The following KCNB2 variants were observed in gnomAD, a reference collection of about 807,000 sequenced individuals.
KCNB2 encodes delayed rectifier potassium channel protein.
KCNB2 carries 15 observed loss-of-function variants against 61.5 expected under a neutral mutation model. That is an observed-to-expected ratio of 0.24 (90% confidence interval 0.16 to 0.38). The LOEUF is 0.38. Among genes scored for constraint, KCNB2 ranks in the 10% least tolerant of loss-of-function variants. The pLI is 1.00. For synonymous variants in KCNB2, 457 were observed against 446.0 expected, an observed-to-expected ratio of 1.02 and a Z score of -0.31; for missense variants, 828 against 1,125.2, an observed-to-expected ratio of 0.74 and a Z score of 3.78.
chr8:72,790,254 G>T (rs1383655651), intron 2 of KCNB2, among the ~76,000 whole-genome samples: 1 of 152,136 alleles, frequency 6.6e-6, no homozygotes, highest in African/African-American at 2.4e-5. Context: ...GACCCCAGGA[G>T]AGCAGCTTGG....
At chr8:72,827,987 A>G (rs756739392) in intron 2 of KCNB2, among the ~76,000 whole-genome samples, 8 of 151,880 alleles carry the variant, frequency 5.3e-5, no homozygotes, top group Non-Finnish European at 1.0e-4. Context: ...TAATTTTTGT[A>G]TTTTTAGTAG....
chr8:72,704,754 A>T (rs1348970323), intron 2 of KCNB2, among the ~76,000 whole-genome samples: 1 of 152,146 alleles, frequency 6.6e-6, no homozygotes, highest in African/African-American at 2.4e-5. Flanking sequence ...CAGTATGCAC[A>T]GTACTTGATT....
chr8:72,666,791 G>T (rs2128987817), intron 2 of KCNB2, among the ~76,000 whole-genome samples: 1 of 151,880 alleles, frequency 6.6e-6, no homozygotes. Context: ...AAAATAGAAA[G>T]ATTTTATACT....
chr8:72,557,228 T>A (rs533675569), intron 1 of KCNB2, among the ~76,000 whole-genome samples: 1 of 152,306 alleles, frequency 6.6e-6, no homozygotes, highest in Admixed American at 6.5e-5. Context: ...TCACATGATT[T>A]TCCCATCCCA....
Position 72,546,902 on chromosome 8 carries a change from C to T in KCNB2, c.-94+9017C>T, listed in dbSNP as rs61497050. Among the ~76,000 whole-genome samples, 685 of 152,296 alleles carry T rather than the reference C, an allele frequency of 4.5e-3. 6 individuals are homozygous for T. The highest frequency in any genetic ancestry group is 0.016 in the African/African-American group (654 of 41,560). On this transcript the variant is annotated intron_variant, in intron 1 of 2. Coordinates refer to ENST00000523207, the MANE Select transcript of KCNB2 (RefSeq NM_004770.3). The stretch of plus-strand genomic sequence containing the variant: ...TAAACAGGCTTCTGTTGAAAGGTGA[C>T]GCCATTTAGGCCTTTCCATAGCTAG...
chr8:72,913,301 GAACA>G (rs1433196201), intron 2 of KCNB2, among the ~76,000 whole-genome samples: 7 of 152,060 alleles, frequency 4.6e-5, no homozygotes, highest in African/African-American at 1.7e-4. Flanking sequence ...TTTATTTCAG[GAACA>G]ATAATGATCT....
intron 2 of KCNB2, among the ~76,000 whole-genome samples, chr8:72,895,760 T>C (rs1034974628): frequency 3.3e-5 from 5 of 152,152 alleles, no homozygotes; most frequent in African/African-American, 1.2e-4. Context: ...CCTTACCTTC[T>C]GCAGAGGGTA....
intron 2 of KCNB2, among the ~76,000 whole-genome samples, chr8:72,762,595 G>T (rs1808398777): frequency 6.6e-6 from 1 of 152,018 alleles, no homozygotes; most frequent in Non-Finnish European, 1.5e-5. Context: ...GATAAGGGAT[G>T]CATCCCTTGA....
chr8:72,699,277 A>G (rs1807072483), intron 2 of KCNB2, among the ~76,000 whole-genome samples: 1 of 147,032 alleles, frequency 6.8e-6, no homozygotes, highest in African/African-American at 2.7e-5. Flanking sequence ...TTTTTTAATA[A>G]TTGACATTCC....
At chr8:72,665,765 A>G (rs1295304300) in intron 2 of KCNB2, among the ~76,000 whole-genome samples, 1 of 126,428 alleles carries the variant, frequency 7.9e-6, no homozygotes, top group Non-Finnish European at 1.7e-5. Flanking sequence ...CCAGCCAAAA[A>G]CTTAGTTCTA....
At chr8:72,556,655 T>C (rs887598281) in intron 1 of KCNB2, among the ~76,000 whole-genome samples, 3 of 152,104 alleles carry the variant, frequency 2.0e-5, no homozygotes, top group Non-Finnish European at 4.4e-5. Flanking sequence ...CATAATACCA[T>C]TGATTTGTTA....
chr8:72,758,670 C>T (rs1275474471), intron 2 of KCNB2, among the ~76,000 whole-genome samples: 2 of 152,172 alleles, frequency 1.3e-5, no homozygotes, highest in African/African-American at 2.4e-5. Context: ...TCTACTCTCT[C>T]TTCTCATTGT....
chr8:72,620,159 C>T (rs1253512287), intron 2 of KCNB2, among the ~76,000 whole-genome samples: 9 of 152,210 alleles, frequency 5.9e-5, no homozygotes, highest in African/African-American at 2.2e-4. Context: ...TAGTCTATTT[C>T]CATCACATAG....
chr8:72,930,910 C>T (rs913991994), intron 2 of KCNB2, among the ~76,000 whole-genome samples: 48 of 152,246 alleles, frequency 3.2e-4, no homozygotes, highest in African/African-American at 1.2e-3. Context: ...AGGTTTTCTT[C>T]TAGGGTTTTT....
At chr8:72,751,467 A>G (rs1173151456) in intron 2 of KCNB2, 1 of 152,184 alleles carries the variant, frequency 6.6e-6, no homozygotes, top group African/African-American at 2.4e-5. Flanking sequence ...TATTGACAAC[A>G]GAACCCAAAA....
intron 2 of KCNB2, among the ~76,000 whole-genome samples, chr8:72,574,087 G>A (rs1458007920): frequency 2.0e-5 from 3 of 152,188 alleles, no homozygotes; most frequent in Non-Finnish European, 2.9e-5. Flanking sequence ...CATCCATGAA[G>A]ACTAACAGGT....
chr8:72,688,036 T>C (rs1370080257), intron 2 of KCNB2, among the ~76,000 whole-genome samples: 4 of 152,174 alleles, frequency 2.6e-5, no homozygotes, highest in Non-Finnish European at 5.9e-5. Context: ...AGAACCTCTT[T>C]GCTGGAGATA....
At chr8:72,572,926 G>A (rs1188642820) in intron 2 of KCNB2, among the ~76,000 whole-genome samples, 1 of 152,142 alleles carries the variant, frequency 6.6e-6, no homozygotes, top group Non-Finnish European at 1.5e-5. Context: ...CGTTGGCATG[G>A]TGCAGCGCGG....
At chr8:72,570,021 C>G (rs1166731116) in intron 2 of KCNB2, among the ~76,000 whole-genome samples, 1 of 152,062 alleles carries the variant, frequency 6.6e-6, no homozygotes, top group Non-Finnish European at 1.5e-5. Context: ...TGAAGAATTT[C>G]TCACAAGGAT....
Sources: allele counts gnomAD v4.1 joint callset (sites outside exome capture counted in the v4.1 genomes callset), GRCh38; gene constraint gnomAD v4.1.1; transcripts MANE v1.5; gene names NCBI Gene and HGNC (gene_info 2026-07-23, HGNC 2026-07-21).